Variants in ARHGAP15 observed in about 807,000 individuals in gnomAD.
ARHGAP15 encodes the protein rho GTPase-activating protein 15.
ARHGAP15 carries 51 observed loss-of-function variants against 63.7 expected under a neutral mutation model. That is an observed-to-expected ratio of 0.80 (90% CI 0.64 to 1.01). The LOEUF (loss-of-function observed/expected upper bound fraction) is 1.01. Ranked by LOEUF, ARHGAP15 falls within the 50% of genes least tolerant of loss-of-function variation. The pLI, the probability that ARHGAP15 is intolerant of heterozygous loss-of-function variation, is 0.00. For missense variants in ARHGAP15, 560 were observed against 564.6 expected, an observed-to-expected ratio of 0.99 and a Z score of 0.08; for synonymous variants, 191 against 193.8, an observed-to-expected ratio of 0.99 and a Z score of 0.12.
Position 143,507,190 on chromosome 2 carries a change from A to G in ARHGAP15, c.827-12076A>G, listed in dbSNP as rs551415822. ...ACTCAGTTACCAGTGCCACAAAGCTATCCCTTTCTTCTTCATTCTCAATTA... is the reference window on the plus strand; with the variant it reads ...ACTCAGTTACCAGTGCCACAAAGCTGTCCCTTTCTTCTTCATTCTCAATTA... On this transcript the variant is annotated intron_variant, in intron 9 of 13. Coordinates refer to ENST00000295095, the MANE Select transcript of ARHGAP15 (RefSeq NM_018460.4). Among the ~76,000 whole-genome samples the G allele has an allele frequency of 1.6e-3, 239 of 152,248 alleles. 1 individual carries two copies. Among genetic ancestry groups the G allele is most frequent in the African/African-American group, 5.3e-3 (219 of 41,552 alleles).
chr2:143,607,153 A>G (rs1698069943), intron 11 of ARHGAP15, among the ~76,000 whole-genome samples: 1 of 152,208 alleles, frequency 6.6e-6, no homozygotes, highest in Non-Finnish European at 1.5e-5. Context: ...GATACATTTC[A>G]GTCACGCTGC....
intron 13 of ARHGAP15, among the ~76,000 whole-genome samples, chr2:143,730,185 C>T (rs1044126812): frequency 1.3e-5 from 2 of 152,054 alleles, no homozygotes; most frequent in African/African-American, 4.8e-5. Flanking sequence ...GTAGAAATTC[C>T]AAAATAAGAG....
At chr2:143,356,804 A>G (rs912419168) in intron 6 of ARHGAP15, among the ~76,000 whole-genome samples, 1 of 152,174 alleles carries the variant, frequency 6.6e-6, no homozygotes, top group African/African-American at 2.4e-5. Flanking sequence ...AAAAAGATGC[A>G]CAGGCTGTTT....
At chr2:143,624,978 CT>C (rs1050510336) in intron 12 of ARHGAP15, among the ~76,000 whole-genome samples, 3 of 152,010 alleles carry the variant, frequency 2.0e-5, no homozygotes, top group African/African-American at 7.2e-5. Context: ...CAATGAAAAT[CT>C]TTTCCAAATG....
chr2:143,620,604 G>A (rs563794619), intron 11 of ARHGAP15, among the ~76,000 whole-genome samples: 1 of 152,274 alleles, frequency 6.6e-6, no homozygotes, highest in East Asian at 1.9e-4. Context: ...TCTGAACACA[G>A]TGATTTTAAA....
At chr2:143,506,826 T>A (rs1015685702) in intron 9 of ARHGAP15, among the ~76,000 whole-genome samples, 1 of 152,186 alleles carries the variant, frequency 6.6e-6, no homozygotes, top group Non-Finnish European at 1.5e-5. Flanking sequence ...AATATTAGAC[T>A]AATTAGTCTG....
At chr2:143,546,889 T>A (rs933740192) in intron 10 of ARHGAP15, among the ~76,000 whole-genome samples, 2 of 152,116 alleles carry the variant, frequency 1.3e-5, no homozygotes, top group African/African-American at 4.8e-5. Flanking sequence ...ACCAGAATCA[T>A]TGACCAAAAT....
chr2:143,691,627 TCCC>T (rs1257474023), intron 12 of ARHGAP15, among the ~76,000 whole-genome samples: 1 of 152,076 alleles, frequency 6.6e-6, no homozygotes, highest in Non-Finnish European at 1.5e-5. Flanking sequence ...TTAATTCCAC[TCCC>T]CCCAACACAT....
intron 11 of ARHGAP15, among the ~76,000 whole-genome samples, chr2:143,562,858 G>T (rs756947598): frequency 5.3e-5 from 8 of 152,164 alleles, no homozygotes; most frequent in Non-Finnish European, 8.8e-5. Flanking sequence ...TGCACATTTA[G>T]TTTCTGATTT....
intron 10 of ARHGAP15, among the ~76,000 whole-genome samples, chr2:143,547,650 G>C (rs1452675044): frequency 1.3e-5 from 2 of 150,446 alleles, no homozygotes; most frequent in African/African-American, 4.9e-5. Flanking sequence ...GCAAGACAGT[G>C]GTTTTACTCC....
intron 6 of ARHGAP15, among the ~76,000 whole-genome samples, chr2:143,294,885 T>G (rs779088908): frequency 6.6e-6 from 1 of 152,030 alleles, no homozygotes; most frequent in Non-Finnish European, 1.5e-5. Flanking sequence ...AAAATTTAAT[T>G]GAATTCTAAG....
intron 1 of ARHGAP15, among the ~76,000 whole-genome samples, chr2:143,145,512 A>G (rs1689545623): frequency 6.6e-6 from 1 of 152,036 alleles, no homozygotes; most frequent in Non-Finnish European, 1.5e-5. Flanking sequence ...GAACTGTGCC[A>G]CCTAGCAAAA....
chr2:143,519,206 C>T, intron 9 of ARHGAP15, 60 bp from the exon 10 acceptor site: 1 of 1,308,480 alleles, frequency 7.6e-7, no homozygotes, highest in East Asian at 2.4e-5. Flanking sequence ...GAAACGGAAT[C>T]AAATTAAAGA....
chr2:143,547,038 G>A (rs1055537074), intron 10 of ARHGAP15, among the ~76,000 whole-genome samples: 5 of 152,034 alleles, frequency 3.3e-5, no homozygotes, highest in Admixed American at 2.6e-4. Flanking sequence ...CTGATGCTAG[G>A]TTCTTTTCTA....
chr2:143,607,098 A>C (rs1261346807), intron 11 of ARHGAP15, among the ~76,000 whole-genome samples: 1 of 152,162 alleles, frequency 6.6e-6, no homozygotes, highest in Non-Finnish European at 1.5e-5. Context: ...AAGTTTTGCA[A>C]AATTTGGAAC....
chr2:143,631,788 C>G (rs1021813994), intron 12 of ARHGAP15, among the ~76,000 whole-genome samples: 1 of 152,020 alleles, frequency 6.6e-6, no homozygotes, highest in Non-Finnish European at 1.5e-5. Context: ...TTCAGAAGAG[C>G]AGACATTTTT....
chr2:143,448,377 T>G (rs909284375), intron 8 of ARHGAP15, among the ~76,000 whole-genome samples: 1 of 152,020 alleles, frequency 6.6e-6, no homozygotes, highest in African/African-American at 2.4e-5. Context: ...AGAGTAATAA[T>G]TTTGGGGAAA....
intron 12 of ARHGAP15, among the ~76,000 whole-genome samples, chr2:143,654,583 T>C (rs1681336029): frequency 2.0e-5 from 3 of 152,208 alleles, no homozygotes; most frequent in African/African-American, 7.2e-5. Context: ...TAAAGTATTT[T>C]CAGATTTTGC....
chr2:143,367,390 T>C (rs1328364485), intron 6 of ARHGAP15, among the ~76,000 whole-genome samples: 3 of 152,034 alleles, frequency 2.0e-5, no homozygotes, highest in African/African-American at 7.2e-5. Flanking sequence ...TCCTTTATCA[T>C]GTTGTACTCC....
Sources: gnomAD v4.1 joint callset for allele counts (sites outside exome capture counted in the v4.1 genomes callset) on GRCh38, gnomAD v4.1.1 for gene constraint, MANE v1.5 for transcripts, NCBI Gene and HGNC (gene_info 2026-07-23, HGNC 2026-07-21) for gene names.